GCNT2: variants seen among roughly 807,000 people sequenced by gnomAD.
GCNT2 encodes glucosaminyl (N-acetyl) transferase 2 (I blood group).
A neutral mutation model predicts 34.2 loss-of-function variants in GCNT2; 34 were observed. The ratio of observed to expected loss-of-function variants is 1.00; its 90% CI spans 0.76 to 1.32. The LOEUF (loss-of-function observed/expected upper bound fraction) is 1.32, where lower values mean the gene tolerates loss of function less well. Among genes scored for constraint, GCNT2 ranks in the 40% most tolerant of loss-of-function variants. GCNT2 has a pLI of 0.00. For missense variants in GCNT2, 584 were observed against 489.4 expected, an observed-to-expected ratio of 1.19 and a Z score of -1.82; for synonymous variants, 212 against 188.0, an observed-to-expected ratio of 1.13 and a Z score of -1.04.
intron 3 of GCNT2, among the ~76,000 whole-genome samples, chr6:10,565,910 G>T (rs545748722): frequency 6.6e-6 from 1 of 152,066 alleles, no homozygotes; most frequent in African/African-American, 2.4e-5. Context: ...ATGATCATGC[G>T]ATCACATCCC....
At chr6:10,524,904 CAG>C (rs1761114936) in intron 1 of GCNT2, among the ~76,000 whole-genome samples, 1 of 149,604 alleles carries the variant, frequency 6.7e-6, no homozygotes, top group Non-Finnish European at 1.5e-5. Context: ...GATTAAAAAC[CAG>C]TTTAATCCAA....
intron 3 of GCNT2, chr6:10,586,068 T>C (rs1316714062): frequency 9.3e-6 from 15 of 1,614,178 alleles, no homozygotes; most frequent in Admixed American, 8.3e-5. Context: ...CAGTAGCCAA[T>C]TGAGCCCGCC....
intron 3 of GCNT2, chr6:10,556,364 G>A (rs1477273676): frequency 3.7e-6 from 6 of 1,609,352 alleles, no homozygotes; most frequent in Non-Finnish European, 5.1e-6. Flanking sequence ...AAACGAGTGA[G>A]TTTGGAAAAA....
chr6:10,616,823 C>T (rs1475209695), intron 3 of GCNT2, among the ~76,000 whole-genome samples: 6 of 150,814 alleles, frequency 4.0e-5, no homozygotes, highest in South Asian at 2.1e-4. Context: ...AGTAACTAGA[C>T]ACAGAGTGCC....
chr6:10,543,985 C>G (rs1762152243), intron 3 of GCNT2, among the ~76,000 whole-genome samples: 1 of 152,144 alleles, frequency 6.6e-6, no homozygotes, highest in Admixed American at 6.5e-5. Context: ...CTCCTAAATC[C>G]TGTGACCAAG....
At chr6:10,559,962 A>G (rs1055669039) in intron 3 of GCNT2, among the ~76,000 whole-genome samples, 1 of 152,230 alleles carries the variant, frequency 6.6e-6, no homozygotes, top group Admixed American at 6.5e-5. Context: ...CTACCTTCAA[A>G]GGCAGTGGAA....
chr6:10,534,183 C>G (rs535257378), intron 3 of GCNT2, among the ~76,000 whole-genome samples: 5 of 117,610 alleles, frequency 4.3e-5, no homozygotes, highest in Admixed American at 9.5e-5. Context: ...GCTCTGTCAC[C>G]CAGGCTGGAG....
At chr6:10,582,443 TTATATAATA>T (rs1466904726) in intron 3 of GCNT2, among the ~76,000 whole-genome samples, 1 of 119,968 alleles carries the variant, frequency 8.3e-6, no homozygotes, top group African/African-American at 3.8e-5. Flanking sequence ...TTAATATTTA[TTATATAATA>T]TATATAATAA....
rs78010613 is a variant in GCNT2, at chr6:10,545,286, C to G, written c.925+15450C>G. On this transcript the variant is annotated intron_variant, in intron 3 of 4. Transcript: ENST00000495262. ...CCATTTTGCAAGAGCTGTGCCTTGG[C>G]TGTGATCTCCATTTTTGTGGGTGCT... 7.0e-4 allele frequency among the ~76,000 whole-genome samples: 107 copies of G among 152,196 alleles called. 1 individual carries two copies. In the East Asian group the frequency reaches 0.014, roughly 19 times the overall value.
intron 1 of GCNT2, among the ~76,000 whole-genome samples, chr6:10,523,286 T>C (rs1341047545): frequency 6.6e-6 from 1 of 151,752 alleles, no homozygotes; most frequent in African/African-American, 2.4e-5. Context: ...ATTAGCCGGG[T>C]GTGGTGGCAC....
intron 3 of GCNT2, among the ~76,000 whole-genome samples, chr6:10,531,874 C>CTTTTTT (rs71548846): frequency 3.1e-5 from 4 of 129,588 alleles, no homozygotes; most frequent in Admixed American, 1.6e-4. Context: ...CCAATCCCCA[C>CTTTTTT]TTTTTTTTTT....
intron 3 of GCNT2, among the ~76,000 whole-genome samples, chr6:10,576,195 T>C (rs1561811898): frequency 6.6e-6 from 1 of 152,156 alleles, no homozygotes; most frequent in Non-Finnish European, 1.5e-5. Flanking sequence ...TGAAAAAATA[T>C]CAAAAGAAAC....
chr6:10,604,844 G>A (rs1253477686), intron 3 of GCNT2, among the ~76,000 whole-genome samples: 1 of 149,044 alleles, frequency 6.7e-6, no homozygotes, highest in East Asian at 2.0e-4. Flanking sequence ...GGGTGACAGA[G>A]TGAGACCTTG....
chr6:10,621,303 T>A, intron 3 of GCNT2, 48 bp from the exon 4 acceptor site: 1 of 1,202,506 alleles, frequency 8.3e-7, no homozygotes, highest in Non-Finnish European at 1.2e-6. Flanking sequence ...ATTGATGCCC[T>A]TCTCTCATGA....
intron 3 of GCNT2, chr6:10,586,914 G>A: frequency 2.5e-6 from 4 of 1,605,742 alleles, no homozygotes; most frequent in Non-Finnish European, 2.6e-6. Context: ...TAGGGTTTCA[G>A]GTAGGTACTA....
intron 3 of GCNT2, among the ~76,000 whole-genome samples, chr6:10,595,288 T>A (rs192737676): frequency 1.1e-4 from 17 of 152,020 alleles, no homozygotes; most frequent in Middle Eastern, 3.4e-3. Flanking sequence ...TCTTTTTTTT[T>A]AATTTTTTGA....
intron 3 of GCNT2, chr6:10,556,762 G>T (rs765537820): frequency 6.8e-6 from 11 of 1,613,884 alleles, no homozygotes; most frequent in Non-Finnish European, 9.3e-6. Flanking sequence ...GGCTCTTCAG[G>T]GCTATTTACA....
At chr6:10,521,953 AC>A (rs1161737645) in intron 1 of GCNT2, among the ~76,000 whole-genome samples, 8 of 151,360 alleles carry the variant, frequency 5.3e-5, no homozygotes, top group East Asian at 3.9e-4. Context: ...AGGCGAGAGT[AC>A]GGTGGTGCGA....
intron 3 of GCNT2, among the ~76,000 whole-genome samples, chr6:10,609,635 C>T (rs1445628730): frequency 6.6e-6 from 1 of 152,136 alleles, no homozygotes; most frequent in Admixed American, 6.5e-5. Context: ...ATCTATAGAA[C>T]TGAAGTGATG....
Sources: allele counts gnomAD v4.1 joint callset (sites outside exome capture counted in the v4.1 genomes callset), GRCh38; gene constraint gnomAD v4.1.1; transcripts MANE v1.5; gene names NCBI Gene and HGNC (gene_info 2026-07-23, HGNC 2026-07-21).